The following MCU variants were observed in gnomAD, a reference collection of about 807,000 sequenced individuals.
The protein encoded by MCU is calcium uniporter protein, mitochondrial.
In MCU, 12 loss-of-function variants were observed where a neutral mutation model predicts 45.2. That is an observed-to-expected ratio of 0.27 (90% confidence interval 0.17 to 0.43). MCU has a LOEUF of 0.43. Among genes scored for constraint, MCU ranks in the 20% least tolerant of loss-of-function variants. The pLI is 1.00. For missense variants in MCU, 324 were observed against 436.7 expected (o/e 0.74, Z 2.30); for synonymous variants, 160 against 165.1 (o/e 0.97, Z 0.24).
At chr10:72,719,404 T>G (rs1024385317) in intron 1 of MCU, among the ~76,000 whole-genome samples, 6 of 152,238 alleles carry the variant, frequency 3.9e-5, no homozygotes, top group African/African-American at 9.6e-5. Flanking sequence ...AGGACATCTT[T>G]TCCTTTTGGT....
At chr10:72,713,815 A>G (rs1842923677) in intron 1 of MCU, among the ~76,000 whole-genome samples, 2 of 152,060 alleles carry the variant, frequency 1.3e-5, no homozygotes, top group African/African-American at 4.8e-5. Flanking sequence ...AAAGCCTGAA[A>G]CTAGTGGATG....
At chr10:72,844,325 T>C (rs1417376241) in intron 2 of MCU, among the ~76,000 whole-genome samples, 1 of 152,110 alleles carries the variant, frequency 6.6e-6, no homozygotes, top group African/African-American at 2.4e-5. Context: ...AGGCAGAGGT[T>C]GCAGTGAGCC....
intron 1 of MCU, among the ~76,000 whole-genome samples, chr10:72,746,145 C>CA (rs1287492184): frequency 1.3e-5 from 2 of 152,240 alleles, no homozygotes; most frequent in East Asian, 3.9e-4. Context: ...CTTTTGTGTG[C>CA]ACAGTATAGC....
Position 72,853,069 on chromosome 10 carries a change from A to C in MCU, c.221-6108A>C, listed in dbSNP as rs530819051. ...AAACTAACATGCAACTAATTTAACT[A>C]TACAAGATCCAGCACTCAACAATGT... On this transcript the variant is annotated intron_variant, in intron 2 of 7. Coordinates refer to ENST00000373053, the MANE Select transcript of MCU (RefSeq NM_138357.3). 7.5e-4 allele frequency among the ~76,000 whole-genome samples: 114 copies of C among 152,328 alleles called. 1 individual carries two copies. The highest frequency in any genetic ancestry group is 1.4e-3 in the Non-Finnish European group (93 of 68,026).
chr10:72,752,199 T>C (rs949243563), intron 1 of MCU, among the ~76,000 whole-genome samples: 1 of 152,126 alleles, frequency 6.6e-6, no homozygotes, highest in African/African-American at 2.4e-5. Context: ...GATAATACTT[T>C]TCACGCATTA....
intron 6 of MCU, among the ~76,000 whole-genome samples, chr10:72,882,306 C>T (rs1845714674): frequency 6.6e-6 from 1 of 152,156 alleles, no homozygotes; most frequent in Admixed American, 6.5e-5. Flanking sequence ...GAAAAAAGAA[C>T]AAGATAACAG....
At chr10:72,705,207 T>C (rs1384471531) in intron 1 of MCU, among the ~76,000 whole-genome samples, 1 of 152,120 alleles carries the variant, frequency 6.6e-6, no homozygotes, top group African/African-American at 2.4e-5. Context: ...TTCTGGGATA[T>C]GTGTGCAGCA....
At chr10:72,878,814 T>A (rs1390326300) in intron 6 of MCU, among the ~76,000 whole-genome samples, 1 of 152,300 alleles carries the variant, frequency 6.6e-6, no homozygotes, top group East Asian at 1.9e-4. Flanking sequence ...AAAGGCCTAA[T>A]ATGTATTTAA....
At position 72,716,293 on chromosome 10, in the gene MCU, A is replaced by G. The variant is rs537646305; in HGVS notation, c.150+23992A>G. Among the ~76,000 whole-genome samples the G allele has an allele frequency of 8.1e-4, 123 of 152,342 alleles. 1 individual carries two copies. The Middle Eastern group carries it at 0.017, about 21-fold the overall frequency. The stretch of plus-strand genomic sequence containing the variant: ...ATTTAGAAATAAACTTGCCAGAACC[A>G]CAGTTGTTTTCAAATAGGCTTCTAA... On this transcript the variant is annotated intron_variant, in intron 1 of 7. Transcript: ENST00000373053.
chr10:72,747,940 A>T (rs1379807625), intron 1 of MCU, among the ~76,000 whole-genome samples: 1 of 151,764 alleles, frequency 6.6e-6, no homozygotes, highest in African/African-American at 2.4e-5. Context: ...AATTAATTTG[A>T]ATAATATATT....
At chr10:72,693,013 C>A (rs1214572271) in intron 1 of MCU, 2 of 1,536,014 alleles carry the variant, frequency 1.3e-6, no homozygotes. Context: ...TAAGCGTGTT[C>A]ACGCGTGCCT....
At chr10:72,756,150 T>A (rs958486802) in intron 1 of MCU, among the ~76,000 whole-genome samples, 32 of 152,226 alleles carry the variant, frequency 2.1e-4, no homozygotes, top group African/African-American at 7.7e-4. Flanking sequence ...CACACCTGGC[T>A]AATTTTTTGT....
intron 1 of MCU, among the ~76,000 whole-genome samples, chr10:72,771,513 G>T (rs913120361): frequency 2.0e-5 from 3 of 152,126 alleles, no homozygotes; most frequent in Non-Finnish European, 4.4e-5. Context: ...ATGTACATGT[G>T]TCTTTATAGT....
At chr10:72,745,102 C>T (rs894964623) in intron 1 of MCU, among the ~76,000 whole-genome samples, 1 of 152,016 alleles carries the variant, frequency 6.6e-6, no homozygotes, top group South Asian at 2.1e-4. Flanking sequence ...TTTATAAACT[C>T]TCAAGGCTTA....
At chr10:72,832,619 A>G (rs766971189) in intron 1 of MCU, among the ~76,000 whole-genome samples, 5 of 152,182 alleles carry the variant, frequency 3.3e-5, no homozygotes, top group African/African-American at 1.2e-4. Context: ...AAAAATCAAA[A>G]TCCTTTTTTA....
chr10:72,807,173 C>T (rs971735718), intron 1 of MCU, among the ~76,000 whole-genome samples: 2 of 152,080 alleles, frequency 1.3e-5, no homozygotes, highest in South Asian at 2.1e-4. Flanking sequence ...GCTTAAAAGC[C>T]TGATGGCCAC....
chr10:72,840,423 T>C (rs1455861330), intron 2 of MCU, among the ~76,000 whole-genome samples: 6 of 152,244 alleles, frequency 3.9e-5, no homozygotes, highest in Admixed American at 2.6e-4. Flanking sequence ...TTATATAGTC[T>C]AGAGTTTTTC....
At chr10:72,845,110 G>A (rs912794746) in intron 2 of MCU, among the ~76,000 whole-genome samples, 5 of 152,150 alleles carry the variant, frequency 3.3e-5, no homozygotes, top group African/African-American at 1.2e-4. Flanking sequence ...AGGAAAGATT[G>A]TTGGATCAGA....
At chr10:72,797,025 T>A (rs968125500) in intron 1 of MCU, among the ~76,000 whole-genome samples, 4 of 152,130 alleles carry the variant, frequency 2.6e-5, no homozygotes, top group Non-Finnish European at 4.4e-5. Flanking sequence ...GGACATTTGA[T>A]AAGAGTTTTG....
Sources: gnomAD v4.1 joint callset for allele counts (sites outside exome capture counted in the v4.1 genomes callset) on GRCh38, gnomAD v4.1.1 for gene constraint, MANE v1.5 for transcripts, NCBI Gene and HGNC (gene_info 2026-07-23, HGNC 2026-07-21) for gene names.